The following CTIF variants were observed in gnomAD, a reference collection of about 807,000 sequenced individuals.
The protein encoded by CTIF is cap binding complex dependent translation initiation factor, also known as CBP80/20-dependent translation initiation factor.
A neutral mutation model predicts 66.0 loss-of-function variants in CTIF; 21 were observed. That is an observed-to-expected ratio of 0.32 (90% confidence interval 0.23 to 0.46). The LOEUF is 0.46. CTIF is among the 20% of genes least tolerant of loss of function. CTIF has a pLI of 1.00. For missense variants in CTIF, 739 were observed against 812.7 expected, an observed-to-expected ratio of 0.91 and a Z score of 1.10; for synonymous variants, 345 against 326.4, an observed-to-expected ratio of 1.06 and a Z score of -0.62.
Position 48,633,701 on chromosome 18 carries a change from C to CAATAAATAAATAAATA in CTIF, c.181-2889_181-2874dup, listed in dbSNP as rs59134064. On this transcript the variant is annotated intron_variant, in intron 2 of 11. Coordinates refer to ENST00000256413, the MANE Select transcript of CTIF (RefSeq NM_014772.3). ...TGGGCGACAGAATGAGCCTCCATCT[C>CAATAAATAAATAAATA]AATAAATAAATAAATAAATAAATAA... Among the ~76,000 whole-genome samples the CAATAAATAAATAAATA allele has an allele frequency of 6.1e-3, 897 of 145,984 alleles. 11 individuals carry two copies. The highest frequency in any genetic ancestry group is 0.018 in the African/African-American group (688 of 38,802).
At position 48,860,623 on chromosome 18, in the gene CTIF, C is replaced by A. The variant is rs761116008; in HGVS notation, c.*1064C>A. The A allele has an allele frequency of 2.0e-5, 3 of 152,362 alleles. No homozygotes were observed. Among genetic ancestry groups the A allele is most frequent in the Non-Finnish European group, 4.4e-5 (3 of 68,270 alleles). 9.4% of individuals were successfully genotyped at this position (152,362 alleles called of 1,614,324 possible). A position where few individuals can be genotyped will look rare whatever the true frequency, so the allele number is the denominator to read the frequency against. ...AGACTGGCAAATTAAAACCAAAATTCTAGATGGTGTCTTGCGCTCCACACG... is the reference window on the plus strand; with the variant it reads ...AGACTGGCAAATTAAAACCAAAATTATAGATGGTGTCTTGCGCTCCACACG... On this transcript the variant is annotated 3_prime_UTR_variant, in exon 12 of 12. Transcript: ENST00000256413.
At chr18:48,732,650 A>C (rs1449855450) in intron 7 of CTIF, among the ~76,000 whole-genome samples, 3 of 152,156 alleles carry the variant, frequency 2.0e-5, no homozygotes, top group African/African-American at 7.2e-5. Context: ...ATCCTTCCCC[A>C]GCTCCTTCTG....
chr18:48,711,889 G>A (rs1456482732), intron 7 of CTIF, among the ~76,000 whole-genome samples, 194 bp downstream of exon 7: 3 of 152,058 alleles, frequency 2.0e-5, no homozygotes, highest in Admixed American at 1.3e-4. Context: ...TTCTCTTGTT[G>A]GCCTAGGGAT....
intron 2 of CTIF, among the ~76,000 whole-genome samples, chr18:48,634,913 T>C (rs1038301926): frequency 6.6e-6 from 1 of 152,240 alleles, no homozygotes; most frequent in South Asian, 2.1e-4. Context: ...AAATATCTCA[T>C]TAACAACTTT....
chr18:48,618,938 C>T (rs78117978), intron 1 of CTIF, among the ~76,000 whole-genome samples: 2,943 of 152,300 alleles, frequency 0.019, 92 homozygotes, highest in African/African-American at 0.064. Context: ...TGCAGACTCA[C>T]CATAGGTGTG....
intron 9 of CTIF, among the ~76,000 whole-genome samples, chr18:48,781,734 C>T (rs937323022): frequency 6.6e-6 from 1 of 152,012 alleles, no homozygotes; most frequent in African/African-American, 2.4e-5. Context: ...AGGGAGGGGG[C>T]ATGGGGGCAG....
chr18:48,599,621 T>A (rs1254828417), intron 1 of CTIF, among the ~76,000 whole-genome samples: 1 of 152,234 alleles, frequency 6.6e-6, no homozygotes, highest in Non-Finnish European at 1.5e-5. Flanking sequence ...AAGCCATGTC[T>A]GTAGCTGAGT....
Position 48,794,848 on chromosome 18 carries a change from C to T in CTIF, c.1372-22373C>T, listed in dbSNP as rs532704865. Reference sequence around the variant, plus strand: ...TGTGTGTATTGCATTCGAGTCAGCACCTGGCAGAGAGGAGGCCCACAAGCA... The same window carrying T: ...TGTGTGTATTGCATTCGAGTCAGCATCTGGCAGAGAGGAGGCCCACAAGCA... On this transcript the variant is annotated intron_variant, in intron 9 of 11. Coordinates refer to ENST00000256413, the MANE Select transcript of CTIF (RefSeq NM_014772.3). Among the ~76,000 whole-genome samples, 15 of 152,126 alleles carry T rather than the reference C, an allele frequency of 9.9e-5. No homozygotes were observed. The South Asian group carries it at 3.1e-3, about 32-fold the overall frequency.
chr18:48,848,492 G>T (rs1462322947), intron 10 of CTIF, among the ~76,000 whole-genome samples: 4 of 152,358 alleles, frequency 2.6e-5, no homozygotes, highest in Admixed American at 2.0e-4. Flanking sequence ...ACAGTAGAAG[G>T]CTGTGCTGTG....
chr18:48,663,880 C>T (rs2144911128), intron 4 of CTIF, 55 bp downstream of exon 4: 1 of 1,504,838 alleles, frequency 6.6e-7, no homozygotes, highest in Admixed American at 1.7e-5. Flanking sequence ...GGGAAACTGG[C>T]TTCCTTGGGG....
At chr18:48,843,887 G>T (rs1206165168) in intron 10 of CTIF, among the ~76,000 whole-genome samples, 1 of 152,186 alleles carries the variant, frequency 6.6e-6, no homozygotes, top group East Asian at 1.9e-4. Context: ...GTGTGCTCTT[G>T]GAGAAATCAT....
At chr18:48,637,487 C>A (rs1054867012) in intron 3 of CTIF, among the ~76,000 whole-genome samples, 2 of 152,208 alleles carry the variant, frequency 1.3e-5, no homozygotes, top group Non-Finnish European at 2.9e-5. Flanking sequence ...GCGGAGGGAG[C>A]CCCTGCAGGC....
chr18:48,707,565 TTCC>T (rs202138395), intron 6 of CTIF, among the ~76,000 whole-genome samples: 51 of 151,754 alleles, frequency 3.4e-4, no homozygotes, highest in Non-Finnish European at 6.0e-4. Flanking sequence ...CTTCTTCTTC[TTCC>T]TCTTTCCCTT....
At chr18:48,668,874 G>A (rs929437879) in intron 5 of CTIF, among the ~76,000 whole-genome samples, 2 of 152,242 alleles carry the variant, frequency 1.3e-5, no homozygotes, top group South Asian at 2.1e-4. Flanking sequence ...GCCAGACACC[G>A]AGAGGGGCAG....
chr18:48,801,068 C>T (rs1458895763), intron 9 of CTIF, among the ~76,000 whole-genome samples: 3 of 152,290 alleles, frequency 2.0e-5, no homozygotes, highest in East Asian at 1.9e-4. Flanking sequence ...GATCTCAGAA[C>T]GAATGGAGAA....
chr18:48,622,944 C>T (rs2090523177), intron 2 of CTIF, among the ~76,000 whole-genome samples: 1 of 152,190 alleles, frequency 6.6e-6, no homozygotes, highest in Non-Finnish European at 1.5e-5. Context: ...CTGGAGGAGC[C>T]AAGGAAGCCT....
chr18:48,822,487 C>T (rs2068503365), intron 10 of CTIF, among the ~76,000 whole-genome samples: 1 of 135,928 alleles, frequency 7.4e-6, no homozygotes. Context: ...CACTCTTCAT[C>T]TCCCCACCCC....
At chr18:48,725,378 C>G (rs1264560574) in intron 7 of CTIF, among the ~76,000 whole-genome samples, 2 of 152,154 alleles carry the variant, frequency 1.3e-5, no homozygotes, top group African/African-American at 4.8e-5. Flanking sequence ...AATTCCCTCC[C>G]AAGGCTCCAC....
chr18:48,638,642 C>T (rs2090868650), intron 3 of CTIF, among the ~76,000 whole-genome samples: 1 of 152,202 alleles, frequency 6.6e-6, no homozygotes, highest in African/African-American at 2.4e-5. Flanking sequence ...TGGGCTTGTC[C>T]CTGCTCCAGG....
Sources: gnomAD v4.1 joint callset for allele counts (sites outside exome capture counted in the v4.1 genomes callset) on GRCh38, gnomAD v4.1.1 for gene constraint, MANE v1.5 for transcripts, NCBI Gene and HGNC (gene_info 2026-07-23, HGNC 2026-07-21) for gene names.